The following CDH16 variants were observed in gnomAD, a reference collection of about 807,000 sequenced individuals.
The protein encoded by CDH16 is cadherin 16.
Under a neutral mutation model 87.6 loss-of-function variants are expected in CDH16, and 79 were observed. The ratio of observed to expected loss-of-function variants is 0.90; its 90% confidence interval spans 0.75 to 1.09. CDH16 has a LOEUF of 1.09. CDH16 is among the 50% of genes least tolerant of loss of function. The pLI is 0.00. For synonymous variants in CDH16, 457 were observed against 439.5 expected, an observed-to-expected ratio of 1.04 and a Z score of -0.50; for missense variants, 1,124 against 1,071.7, an observed-to-expected ratio of 1.05 and a Z score of -0.68.
In CDH16 at chr16:66,909,195, T is replaced by G; in HGVS notation, c.2392+72A>C. 2.2e-6 allele frequency: 2 copies of G among 928,028 alleles called. No homozygotes were observed. Among genetic ancestry groups the G allele is most frequent in the Non-Finnish European group, 1.8e-6 (1 of 558,808 alleles). 57.5% of individuals were successfully genotyped at this position (928,028 alleles called of 1,614,324 possible). A position where few individuals can be genotyped will look rare whatever the true frequency, so the allele number is the denominator to read the frequency against. On this transcript the variant is annotated intron_variant, in intron 17 of 17. Coordinates refer to ENST00000299752, the MANE Select transcript of CDH16 (RefSeq NM_004062.4). The surrounding 1 kb of genome is among the most constrained non-coding windows in gnomAD (Gnocchi z 4.1). The stretch of plus-strand genomic sequence containing the variant: ...GCTAGGGGCACCATGGGGACAAAGG[T>G]GTTTATTTGGAGGCTGTGGTCCCAA...
chr16:66,914,286 G>T lies in CDH16; in HGVS notation c.710C>A (p.Thr237Asn), dbSNP rs766297105. The change falls in exon 7 of 18, where the codon ACC becomes AAC. Residue 237 changes from threonine to asparagine, a missense_variant. Thr to Asn is a moderately conservative substitution (Grantham distance 65, BLOSUM62 0). Transcript: ENST00000299752. ...ATVEVSIIES[T>N]WVSLEPIHLA... The stretch of plus-strand genomic sequence containing the variant: ...GTGGATAGGCTCTAGGGACACCCAG[G>T]TGCTCTCTATGATGGAGACTTCCAC... 1.3e-5 allele frequency: 21 copies of T among 1,614,224 alleles called. No individual in the cohort carries two copies. The highest frequency in any genetic ancestry group is 1.8e-5 in the Non-Finnish European group (21 of 1,180,036).
chr16:66,912,743 C>G lies in CDH16; in HGVS notation c.1203G>C (p.Thr401=). The G allele has an allele frequency of 6.2e-7, 1 of 1,613,806 alleles. No homozygotes were observed. Among genetic ancestry groups the G allele is most frequent in the African/African-American group, 1.3e-5 (1 of 75,028 alleles). ...FQVDPTSGSV[T]LGVLPLRAGQ... is the part of the protein sequence containing the mutation. ...CTGCTCGGAGTGGGAGCACCCCCAG[C>G]GTCACACTGCCTGAAGTGGGGTCCA... is the stretch of plus-strand genomic sequence containing the variant. The change falls in exon 10 of 18, where the codon ACG becomes ACC. Residue 401 remains threonine, a synonymous_variant. Transcript: ENST00000299752.
chr16:66,908,170 G>A lies in CDH16; in HGVS notation c.*222C>T. The A allele has an allele frequency of 1.8e-6, 1 of 570,974 alleles. No homozygotes were observed. The highest frequency in any genetic ancestry group is 3.1e-6 in the Non-Finnish European group (1 of 319,362). The allele number at this position is 570,974 out of a possible 1,614,324, so 35.4% of individuals were successfully genotyped here. On this transcript the variant is annotated 3_prime_UTR_variant, in exon 18 of 18. Coordinates refer to ENST00000299752, the MANE Select transcript of CDH16 (RefSeq NM_004062.4). ...CAGTTCTCTGGGGCTTTATTATTGG[G>A]CAAACACCCTGACATTTGGAGCACT...
rs765276757 is a variant in CDH16, at chr16:66,912,508, G to A, written c.1355C>T (p.Ser452Phe). Reference protein sequence around the residue: ...INDHAPEFITSQIGPISLPED... With the variant: ...INDHAPEFITFQIGPISLPED... ...TTCTCCCCTGCGTCTGCTTACCTGG[G>A]AAGTGATGAACTCAGGGGCGTGATC... Residue 452 changes from serine (S) to phenylalanine (F), a missense_variant, in exon 11 of 18, where the codon TCC (serine) becomes TTC (phenylalanine). Ser to Phe is a radical substitution (Grantham distance 155, BLOSUM62 -2). Transcript: ENST00000299752. 2 of 1,614,178 alleles carry A rather than the reference G, an allele frequency of 1.2e-6. No individual in the cohort carries two copies. The highest frequency in any genetic ancestry group is 8.5e-7 in the Non-Finnish European group (1 of 1,180,028).
chr16:66,917,177 T>C (rs1043279850), intron 3 of CDH16, among the ~76,000 whole-genome samples: 9 of 150,852 alleles, frequency 6.0e-5, no homozygotes, highest in Non-Finnish European at 1.2e-4. Flanking sequence ...TGCATGCCTG[T>C]AGTCCCAGCT....
In CDH16 at chr16:66,911,459, C is replaced by G. The variant is rs1297693093; in HGVS notation, c.1791-144G>C. On this transcript the variant is annotated intron_variant, in intron 13 of 17. Transcript: ENST00000299752. Reference sequence around the variant, plus strand: ...CAGCAAAGCCTGGGGGGCCCAGTCTCTCTCTCCAGCTTCAGGATTTGTTGT... The same window carrying G: ...CAGCAAAGCCTGGGGGGCCCAGTCTGTCTCTCCAGCTTCAGGATTTGTTGT... 10 of 780,540 alleles carry G rather than the reference C, an allele frequency of 1.3e-5. No homozygotes were observed. The East Asian group carries it at 2.5e-4, about 19-fold the overall frequency. 48.4% of individuals were successfully genotyped at this position (780,540 alleles called of 1,614,324 possible). A position where few individuals can be genotyped will look rare whatever the true frequency, so the allele number is the denominator to read the frequency against.
intron 8 of CDH16, 33 bp downstream of exon 8, chr16:66,913,458 C>T (rs1355002834): frequency 1.9e-6 from 3 of 1,613,768 alleles, no homozygotes; most frequent in African/African-American, 2.7e-5. Context: ...CAAGCACCCC[C>T]AGCCTGCATC....
At position 66,914,373 on chromosome 16, in the gene CDH16, TGGTA is replaced by T; in HGVS notation, c.619_622del (p.Tyr207SerfsTer27). 6.2e-7 allele frequency: 1 copy of T among 1,614,118 alleles called. No homozygotes were observed. Among genetic ancestry groups the T allele is most frequent in the Non-Finnish European group, 8.5e-7 (1 of 1,179,994 alleles). The stretch of plus-strand genomic sequence containing the variant: ...CATGTCCTTGACCTGTACCAACAGC[TGGTA>T]GGTCCTCTCCAGGGCGTGGTCAAGG... On this transcript the variant is annotated frameshift_variant, in exon 7 of 18. Transcript: ENST00000299752. LOFTEE classifies it high-confidence loss of function.
Position 66,910,002 on chromosome 16 carries a change from C to T in CDH16, c.2259G>A (p.Trp753Ter), listed in dbSNP as rs753938523. The T allele has an allele frequency of 6.2e-7, 1 of 1,606,776 alleles. No homozygotes were observed. ...PVVVSHNAQMWQLLVRVIVCR... is the reference protein window; with the variant it reads ...PVVVSHNAQM ...CAATCTCACCTCGAACCAGGAGCTGCCACATCTGGGCATTGTGGCTGACCA... is the reference window on the plus strand; with the variant it reads ...CAATCTCACCTCGAACCAGGAGCTGTCACATCTGGGCATTGTGGCTGACCA... Residue 753 changes from tryptophan to a stop codon, truncating the protein, a stop_gained, in exon 16 of 18, where the codon TGG becomes TGA. Coordinates refer to ENST00000299752, the MANE Select transcript of CDH16 (RefSeq NM_004062.4). LOFTEE classifies it high-confidence loss of function.
chr16:66,912,673 C>T lies in CDH16; in HGVS notation c.1273G>A (p.Ala425Thr), dbSNP rs868685936. 41 of 1,613,856 alleles carry T rather than the reference C, an allele frequency of 2.5e-5. No individual in the cohort carries two copies. The highest frequency in any genetic ancestry group is 5.5e-5 in the South Asian group (5 of 91,084). The change falls in exon 10 of 18, where the codon GCA (alanine) becomes ACA (threonine). Residue 425 changes from alanine (A) to threonine (T), a missense_variant. Transcript: ENST00000299752. ...LLVLAMDLAG[A>T]EGGFSSTCEV... ...CAATCAGGGCACTTACCACCCTCTG[C>T]GCCTGCCAGGTCCATGGCCAGCACC...
chr16:66,913,908 C>T (rs745750536), intron 7 of CDH16, among the ~76,000 whole-genome samples: 18 of 152,234 alleles, frequency 1.2e-4, no homozygotes, highest in Non-Finnish European at 2.1e-4. Context: ...CTGAGACATT[C>T]CTGGCCCGGG....
Position 66,910,060 on chromosome 16 carries a change from C to T in CDH16, c.2201G>A (p.Trp734Ter), listed in dbSNP as rs766325298. The change falls in exon 16 of 18, where the codon TGG becomes TAG. Residue 734 changes from tryptophan (W) to a stop codon, truncating the protein, a stop_gained. Transcript: ENST00000299752. LOFTEE classifies it high-confidence loss of function. ...GATTATGTGTTCACGTGGCTCCACC[C>T]AATGCAGGGCCAAGGTGAGGTAGGC... ...SHAYLTLALH[W>*]VEPREHIIPV... 1 of 1,612,988 alleles carries T rather than the reference C, an allele frequency of 6.2e-7. No individual in the cohort carries two copies. Among genetic ancestry groups the T allele is most frequent in the South Asian group, 1.1e-5 (1 of 90,936 alleles).
intron 5 of CDH16, 41 bp from the exon 6 acceptor site, chr16:66,915,419 G>T (rs780621562): frequency 1.8e-5 from 29 of 1,592,536 alleles, no homozygotes; most frequent in Non-Finnish European, 1.3e-5. Context: ...GGATAGAGAG[G>T]GTGGGGAGAG....
chr16:66,908,538 C>T lies in CDH16; in HGVS notation c.2393-49G>A, dbSNP rs1567528946. On this transcript the variant is annotated intron_variant, in intron 17 of 17. Transcript: ENST00000299752. Reference sequence around the variant, plus strand: ...TCAGGCCTCAGAAGGGGCTGTGGGACTTGTTCATCACGAGGGACTTCCTGT... The same window carrying T: ...TCAGGCCTCAGAAGGGGCTGTGGGATTTGTTCATCACGAGGGACTTCCTGT... The T allele has an allele frequency of 4.2e-6, 6 of 1,419,898 alleles. No homozygotes were observed. In the East Asian group the frequency reaches 1.1e-4, roughly 27 times the overall value. The allele number at this position is 1,419,898 out of a possible 1,614,324, so 88.0% of individuals were successfully genotyped here. A position where few individuals can be genotyped will look rare whatever the true frequency, so the allele number is the denominator to read the frequency against.
chr16:66,909,455 G>C lies in CDH16; in HGVS notation c.2276-72C>G. 1 of 1,025,928 alleles carries C rather than the reference G, an allele frequency of 9.7e-7. No individual in the cohort carries two copies. The highest frequency in any genetic ancestry group is 1.5e-6 in the Non-Finnish European group (1 of 674,994). The allele number at this position is 1,025,928 out of a possible 1,614,324, so 63.6% of individuals were successfully genotyped here. A position where few individuals can be genotyped will look rare whatever the true frequency, so the allele number is the denominator to read the frequency against. ...CCAGCTGCTCAGAGCCCCCAGCCCA[G>C]CCACCTGGCTGATATGTGTGTGTTT... is the stretch of plus-strand genomic sequence containing the variant. On this transcript the variant is annotated intron_variant, in intron 16 of 17. Coordinates refer to ENST00000299752, the MANE Select transcript of CDH16 (RefSeq NM_004062.4). This position sits in a 1 kb window ranked among gnomAD's most constrained non-coding sequence, Gnocchi z 4.1.
rs760817475 is a variant in CDH16 at position 66,908,344 on chromosome 16, T to G, written c.*48A>C. On this transcript the variant is annotated 3_prime_UTR_variant, in exon 18 of 18. Coordinates refer to ENST00000299752, the MANE Select transcript of CDH16 (RefSeq NM_004062.4). ...GGTGCTGGGCTCTCTCCCAGGGGAC[T>G]CAGATGGAGCCAGAGGCCAAGCTCC... 1.3e-6 allele frequency: 2 copies of G among 1,490,802 alleles called. No individual in the cohort carries two copies. Among genetic ancestry groups the G allele is most frequent in the African/African-American group, 2.8e-5 (2 of 72,400 alleles). The allele number at this position is 1,490,802 out of a possible 1,614,324, so 92.3% of individuals were successfully genotyped here.
chr16:66,915,946 G>T, intron 5 of CDH16, 119 bp downstream of exon 5: 1 of 1,125,706 alleles, frequency 8.9e-7, no homozygotes. Context: ...AAAGAAAAAA[G>T]AAATGGGACA....
chr16:66,913,951 C>G (rs1962556419), intron 7 of CDH16, among the ~76,000 whole-genome samples: 1 of 152,240 alleles, frequency 6.6e-6, no homozygotes, highest in Non-Finnish European at 1.5e-5. Flanking sequence ...GAGATGGCAG[C>G]TGTTCTCTCT....
intron 13 of CDH16, among the ~76,000 whole-genome samples, chr16:66,911,581 G>A (rs1962417981): frequency 6.6e-6 from 1 of 152,140 alleles, no homozygotes; most frequent in Admixed American, 6.5e-5. Context: ...CTCACTCCAG[G>A]TCACCCTGCA....
Sources: gnomAD v4.1 joint callset for allele counts (sites outside exome capture counted in the v4.1 genomes callset) on GRCh38, gnomAD v4.1.1 for gene constraint, Gnocchi (gnomAD v3.1) non-coding constraint, MANE v1.5 for transcripts, NCBI Gene and HGNC (gene_info 2026-07-23, HGNC 2026-07-21) for gene names.